Variants in SF3B3 observed in about 807,000 individuals in gnomAD.
SF3B3 encodes the protein SAP 130.
SF3B3 carries 33 observed loss-of-function variants against 139.2 expected under a neutral mutation model. The observed-to-expected ratio is 0.24, with a 90% CI of 0.18 to 0.32. The LOEUF (loss-of-function observed/expected upper bound fraction) is 0.32, where lower values mean the gene tolerates loss of function less well. SF3B3 is among the 10% of genes least tolerant of loss of function. SF3B3 has a pLI of 1.00. For synonymous variants in SF3B3, 596 were observed against 563.6 expected, an observed-to-expected ratio of 1.06 and a Z score of -0.81; for missense variants, 818 against 1,509.4, an observed-to-expected ratio of 0.54 and a Z score of 7.59.
chr16:70,541,371 T>C (rs900096956), intron 8 of SF3B3, among the ~76,000 whole-genome samples: 2 of 152,238 alleles, frequency 1.3e-5, no homozygotes, highest in Admixed American at 1.3e-4. Flanking sequence ...TCTCTCATTT[T>C]GTGGGTTGTC....
At chr16:70,526,773 C>G (rs761749839) in intron 2 of SF3B3, 47 bp downstream of exon 2, 1 of 1,282,736 alleles carries the variant, frequency 7.8e-7, no homozygotes, top group Non-Finnish European at 1.1e-6. Context: ...TGAATTAATA[C>G]ATATCTTGCT....
rs897314035 is a variant in SF3B3 at position 70,575,196 on chromosome 16, CT to C, written c.*3403del. The C allele has an allele frequency of 3.7e-3, 410 of 110,010 alleles. 2 individuals are homozygous for C. The highest frequency in any genetic ancestry group is 0.01 in the African/African-American group (296 of 29,084). 6.8% of individuals were successfully genotyped at this position (110,010 alleles called of 1,614,324 possible). Reference sequence around the variant, plus strand: ...TTTTCTTTTTCTTTTTCTTTTTTTTCTTTTTTTTTTTTTTTTTTTTGAGATG... The same window carrying C: ...TTTTCTTTTTCTTTTTCTTTTTTTTCTTTTTTTTTTTTTTTTTTTGAGATG... On this transcript the variant is annotated 3_prime_UTR_variant, in exon 26 of 26. Transcript: ENST00000302516.
chr16:70,546,944 C>T (rs1418243793), intron 10 of SF3B3, among the ~76,000 whole-genome samples: 3 of 151,782 alleles, frequency 2.0e-5, no homozygotes, highest in Non-Finnish European at 2.9e-5. Context: ...AGGAGAATGG[C>T]GTGAACCCGG....
chr16:70,550,743 C>A, intron 11 of SF3B3: 1 of 835,242 alleles, frequency 1.2e-6, no homozygotes, highest in Non-Finnish European at 1.4e-6. Context: ...GGGACCTGCA[C>A]AAAATATTGA....
intron 3 of SF3B3, 189 bp downstream of exon 3, chr16:70,529,388 AAC>A: frequency 1.7e-6 from 1 of 589,120 alleles, no homozygotes; most frequent in Middle Eastern, 2.8e-4. Context: ...GAAAAATCTT[AAC>A]ACACCTTTCT....
chr16:70,524,560 C>T (rs764955774), intron 1 of SF3B3: 11 of 150,274 alleles, frequency 7.3e-5, no homozygotes, highest in Admixed American at 1.3e-4. Context: ...GTCGCCCAGA[C>T]TGGAGAGCAG....
intron 18 of SF3B3, among the ~76,000 whole-genome samples, 177 bp downstream of exon 18, chr16:70,564,227 C>T (rs1174960335): frequency 1.3e-5 from 2 of 152,014 alleles, no homozygotes; most frequent in African/African-American, 4.8e-5. Flanking sequence ...TAAAAGATAG[C>T]CTGGTGTGTT....
chr16:70,568,201 T>A, intron 21 of SF3B3, 82 bp from the exon 22 acceptor site: 2 of 1,042,660 alleles, frequency 1.9e-6, no homozygotes, highest in East Asian at 4.8e-5. Flanking sequence ...ACCCTACGTA[T>A]GTCATACGGA....
At chr16:70,532,950 C>A (rs1288384335) in intron 5 of SF3B3, among the ~76,000 whole-genome samples, 3 of 152,174 alleles carry the variant, frequency 2.0e-5, no homozygotes, top group Admixed American at 6.6e-5. Context: ...CTAACTCTTT[C>A]AAAAGCCAAA....
intron 10 of SF3B3, among the ~76,000 whole-genome samples, chr16:70,545,625 C>T (rs2050260887): frequency 6.6e-6 from 1 of 152,188 alleles, no homozygotes; most frequent in Admixed American, 6.5e-5. Flanking sequence ...GCAATCTGAG[C>T]TCTCAAGAGG....
intron 24 of SF3B3, among the ~76,000 whole-genome samples, 172 bp from the exon 25 acceptor site, chr16:70,570,923 G>C (rs1452676957): frequency 6.6e-6 from 1 of 152,180 alleles, no homozygotes; most frequent in Non-Finnish European, 1.5e-5. Flanking sequence ...CTCCTTTTGG[G>C]GTTTAACTAT....
intron 17 of SF3B3, among the ~76,000 whole-genome samples, chr16:70,562,767 C>G (rs1256408835): frequency 6.6e-6 from 1 of 152,098 alleles, no homozygotes; most frequent in Non-Finnish European, 1.5e-5. Context: ...GGGAAGGTGA[C>G]TTATGAGACA....
At chr16:70,533,902 C>T (rs770944826) in intron 5 of SF3B3, among the ~76,000 whole-genome samples, 3 of 152,204 alleles carry the variant, frequency 2.0e-5, no homozygotes, top group Admixed American at 6.5e-5. Context: ...TTCATTCTTT[C>T]AACACATTTT....
At chr16:70,569,940 T>G (rs1597725525) in intron 23 of SF3B3, 66 bp from the exon 24 acceptor site, 2 of 1,582,602 alleles carry the variant, frequency 1.3e-6, no homozygotes, top group East Asian at 4.5e-5. Flanking sequence ...GAGCACTGCT[T>G]GCCCTTGGGA....
At chr16:70,564,726 T>G (rs1277108317) in intron 18 of SF3B3, among the ~76,000 whole-genome samples, 1 of 152,206 alleles carries the variant, frequency 6.6e-6, no homozygotes, top group East Asian at 1.9e-4. Flanking sequence ...ACAGAGTAGT[T>G]TTAGTAAGGG....
intron 9 of SF3B3, among the ~76,000 whole-genome samples, chr16:70,543,404 G>C (rs1334809589): frequency 8.7e-6 from 1 of 115,360 alleles, no homozygotes; most frequent in Non-Finnish European, 1.8e-5. Context: ...GCGAAACCCC[G>C]TCTCAAAAAA....
At position 70,574,824 on chromosome 16, in the gene SF3B3, T is replaced by G. The variant is rs962121615; in HGVS notation, c.*3011T>G. 1.3e-5 allele frequency: 2 copies of G among 152,194 alleles called. No homozygotes were observed. Among genetic ancestry groups the G allele is most frequent in the Non-Finnish European group, 2.9e-5 (2 of 68,036 alleles). The allele number at this position is 152,194 out of a possible 1,614,324, so 9.4% of individuals were successfully genotyped here. A position where few individuals can be genotyped will look rare whatever the true frequency, so the allele number is the denominator to read the frequency against. ...TTCTGTTTTCTATTCAAAGTAAAAA[T>G]GACATGTGTTTGAGTCATCCACTTG... On this transcript the variant is annotated 3_prime_UTR_variant, in exon 26 of 26. Coordinates refer to ENST00000302516, the MANE Select transcript of SF3B3 (RefSeq NM_012426.5).
At chr16:70,536,000 T>A (rs1453562749) in intron 6 of SF3B3, among the ~76,000 whole-genome samples, 1 of 152,210 alleles carries the variant, frequency 6.6e-6, no homozygotes, top group Non-Finnish European at 1.5e-5. Flanking sequence ...AAGGACATTT[T>A]CCTACATTAC....
At chr16:70,568,732 G>A (rs1335358387) in intron 22 of SF3B3, among the ~76,000 whole-genome samples, 1 of 152,190 alleles carries the variant, frequency 6.6e-6, no homozygotes, top group Non-Finnish European at 1.5e-5. Flanking sequence ...GATAGGTTTA[G>A]TTTGAGCTAA....
Sources: allele counts gnomAD v4.1 joint callset (sites outside exome capture counted in the v4.1 genomes callset), GRCh38; gene constraint gnomAD v4.1.1; transcripts MANE v1.5; gene names NCBI Gene and HGNC (gene_info 2026-07-23, HGNC 2026-07-21).